TSPAN5: variants seen among roughly 807,000 people sequenced by gnomAD.
TSPAN5 encodes tetraspanin-5.
Under a neutral mutation model 37.1 loss-of-function variants are expected in TSPAN5, and 10 were observed. The ratio of observed to expected loss-of-function variants is 0.27; its 90% CI spans 0.17 to 0.46. The LOEUF (loss-of-function observed/expected upper bound fraction) is 0.46, where lower values mean the gene tolerates loss of function less well. TSPAN5 is among the 20% of genes least tolerant of loss of function. The pLI, the probability that TSPAN5 is intolerant of heterozygous loss-of-function variation, is 1.00. For synonymous variants in TSPAN5, 110 were observed against 118.9 expected (o/e 0.93, Z 0.48); for missense variants, 195 against 326.6 (o/e 0.60, Z 3.11).
chr4:98,529,842 C>T (rs1461008089), intron 1 of TSPAN5, among the ~76,000 whole-genome samples: 1 of 152,208 alleles, frequency 6.6e-6, no homozygotes, highest in Non-Finnish European at 1.5e-5. Flanking sequence ...AACACAAGAT[C>T]TGTAATAATT....
At chr4:98,576,828 C>T (rs1409905223) in intron 1 of TSPAN5, among the ~76,000 whole-genome samples, 3 of 152,238 alleles carry the variant, frequency 2.0e-5, no homozygotes, top group Non-Finnish European at 2.9e-5. Flanking sequence ...GGTGCGATCT[C>T]AGCTCACTGC....
chr4:98,531,637 C>T (rs1284124617), intron 1 of TSPAN5, among the ~76,000 whole-genome samples: 2 of 152,182 alleles, frequency 1.3e-5, no homozygotes, highest in Admixed American at 6.5e-5. Context: ...GAGGAATCGC[C>T]ACACTGTCTT....
chr4:98,498,714 C>T (rs1399634292), intron 2 of TSPAN5, among the ~76,000 whole-genome samples: 1 of 152,136 alleles, frequency 6.6e-6, no homozygotes, highest in East Asian at 1.9e-4. Flanking sequence ...GTTCCAAGGG[C>T]ACCTCCCGGG....
chr4:98,615,458 C>G (rs987051545), intron 1 of TSPAN5, among the ~76,000 whole-genome samples: 3 of 152,172 alleles, frequency 2.0e-5, no homozygotes, highest in Admixed American at 6.5e-5. Context: ...ATCATTATTT[C>G]TAGATTCTCA....
intron 1 of TSPAN5, among the ~76,000 whole-genome samples, chr4:98,526,848 A>G (rs1753974351): frequency 6.6e-6 from 1 of 152,196 alleles, no homozygotes; most frequent in East Asian, 1.9e-4. Flanking sequence ...ATGCTATAGC[A>G]TGTGGCAAGA....
At chr4:98,647,566 G>C (rs1757096298) in intron 1 of TSPAN5, among the ~76,000 whole-genome samples, 1 of 152,122 alleles carries the variant, frequency 6.6e-6, no homozygotes, top group Non-Finnish European at 1.5e-5. Context: ...AGTAAAAAGA[G>C]CCCTATGCCT....
At chr4:98,654,513 G>T (rs1254798966) in intron 1 of TSPAN5, among the ~76,000 whole-genome samples, 2 of 152,138 alleles carry the variant, frequency 1.3e-5, no homozygotes, top group Non-Finnish European at 2.9e-5. Context: ...TCTGAGAAAT[G>T]TCCCAGTACG....
intron 3 of TSPAN5, chr4:98,483,285 CG>C (rs1752887844): frequency 6.6e-6 from 1 of 152,010 alleles, no homozygotes; most frequent in Admixed American, 6.6e-5. Context: ...AGGTGGTCTG[CG>C]GTTCTATCTT....
At chr4:98,640,686 A>G (rs1287588963) in intron 1 of TSPAN5, among the ~76,000 whole-genome samples, 1 of 152,198 alleles carries the variant, frequency 6.6e-6, no homozygotes, top group African/African-American at 2.4e-5. Context: ...CTCTCCTCCA[A>G]TGGGTGGGGG....
chr4:98,631,584 C>T (rs543392764), intron 1 of TSPAN5, among the ~76,000 whole-genome samples: 89 of 152,306 alleles, frequency 5.8e-4, no homozygotes, highest in African/African-American at 1.9e-3. Context: ...GGAGCCACCA[C>T]TTCAAGGTCC....
At chr4:98,583,463 C>T (rs1424575139) in intron 1 of TSPAN5, among the ~76,000 whole-genome samples, 1 of 151,936 alleles carries the variant, frequency 6.6e-6, no homozygotes, top group Non-Finnish European at 1.5e-5. Context: ...CTCTATGTGT[C>T]CATGTGTTCT....
intron 2 of TSPAN5, among the ~76,000 whole-genome samples, chr4:98,491,521 C>G (rs1240245004): frequency 6.6e-6 from 1 of 152,040 alleles, no homozygotes; most frequent in African/African-American, 2.4e-5. Context: ...AACCCAGTCT[C>G]AACTAAAAAT....
At chr4:98,521,975 AT>A in intron 1 of TSPAN5, among the ~76,000 whole-genome samples, 1 of 152,340 alleles carries the variant, frequency 6.6e-6, no homozygotes, top group Non-Finnish European at 1.5e-5. Context: ...TCATTCTTTC[AT>A]TTTAAAGTGT....
At chr4:98,571,005 C>CT (rs1199756534) in intron 1 of TSPAN5, among the ~76,000 whole-genome samples, 4 of 149,772 alleles carry the variant, frequency 2.7e-5, no homozygotes, top group African/African-American at 1.0e-4. Flanking sequence ...GAGCAAGACT[C>CT]TATCTCAAAA....
chr4:98,635,727 C>A (rs1252209034), intron 1 of TSPAN5, among the ~76,000 whole-genome samples: 3 of 152,196 alleles, frequency 2.0e-5, no homozygotes, highest in Admixed American at 6.5e-5. Flanking sequence ...GACTAGCACT[C>A]TTTGGCTGAG....
intron 4 of TSPAN5, among the ~76,000 whole-genome samples, chr4:98,481,502 G>A (rs1179977801): frequency 6.6e-6 from 1 of 152,106 alleles, no homozygotes; most frequent in Non-Finnish European, 1.5e-5. Context: ...GGACTTAGGA[G>A]TTTCTAAGCT....
chr4:98,531,686 G>T (rs889046471), intron 1 of TSPAN5, among the ~76,000 whole-genome samples: 5 of 152,178 alleles, frequency 3.3e-5, no homozygotes, highest in African/African-American at 4.8e-5. Flanking sequence ...CACCAACAGT[G>T]TAAAAGCATT....
chr4:98,476,787 G>A (rs1461758842), intron 5 of TSPAN5, among the ~76,000 whole-genome samples: 1 of 152,162 alleles, frequency 6.6e-6, no homozygotes, highest in Non-Finnish European at 1.5e-5. Context: ...TTAGGGAACT[G>A]GAGACACAGA....
At chr4:98,507,787 A>C in intron 1 of TSPAN5, 59 bp from the exon 2 acceptor site, 1 of 1,271,776 alleles carries the variant, frequency 7.9e-7, no homozygotes, top group Non-Finnish European at 1.1e-6. Context: ...ATAAAGAAGA[A>C]ACTTTTCAAT....
Sources: gnomAD v4.1 joint callset for allele counts (sites outside exome capture counted in the v4.1 genomes callset) on GRCh38, gnomAD v4.1.1 for gene constraint, MANE v1.5 for transcripts, NCBI Gene and HGNC (gene_info 2026-07-23, HGNC 2026-07-21) for gene names.